The following ANKRD30BL variants were observed in gnomAD, a reference collection of about 807,000 sequenced individuals.
ANKRD30BL encodes the protein ankyrin repeat domain 30B like.
ANKRD30BL carries 20 observed loss-of-function variants against 18.4 expected under a neutral mutation model. The observed-to-expected ratio is 1.09, with a 90% CI of 0.77 to 1.58. The LOEUF is 1.58. ANKRD30BL is among the 40% of genes most tolerant of loss of function. The pLI is 0.00. For synonymous variants in ANKRD30BL, 72 were observed against 100.9 expected, an observed-to-expected ratio of 0.71 and a Z score of 1.72; for missense variants, 224 against 268.6, an observed-to-expected ratio of 0.83 and a Z score of 1.16.
At chr2:132,206,524 A>G (rs1456083656) in intron 1 of ANKRD30BL, among the ~76,000 whole-genome samples, 1 of 152,152 alleles carries the variant, frequency 6.6e-6, no homozygotes, top group Non-Finnish European at 1.5e-5. Flanking sequence ...CATATGTAAA[A>G]TGAGAATTAT....
chr2:132,192,760 C>T (rs1407471576), intron 1 of ANKRD30BL, among the ~76,000 whole-genome samples: 1 of 152,204 alleles, frequency 6.6e-6, no homozygotes, highest in Non-Finnish European at 1.5e-5. Flanking sequence ...AAGGGGCAAT[C>T]TCTGTTTAAA....
intron 1 of ANKRD30BL, among the ~76,000 whole-genome samples, chr2:132,254,314 TGGC>T (rs1334543807): frequency 1.3e-5 from 2 of 152,174 alleles, no homozygotes; most frequent in South Asian, 2.1e-4. Flanking sequence ...AGGAAGGACA[TGGC>T]GGCGTCTCCG....
At chr2:132,216,237 A>C (rs182407487) in intron 1 of ANKRD30BL, among the ~76,000 whole-genome samples, 1 of 152,008 alleles carries the variant, frequency 6.6e-6, no homozygotes, top group African/African-American at 2.4e-5. Flanking sequence ...TGATGTGTGC[A>C]TTCATCTCAG....
intron 1 of ANKRD30BL, among the ~76,000 whole-genome samples, chr2:132,232,329 G>A (rs1313377951): frequency 1.3e-5 from 2 of 152,176 alleles, no homozygotes; most frequent in Non-Finnish European, 2.9e-5. Context: ...AACAAAGCTG[G>A]ATGGAGAATG....
At position 132,211,709 on chromosome 2, in the gene ANKRD30BL, T is replaced by A. The variant is rs556881954; in HGVS notation, n.441+45820A>T. 2.0e-5 allele frequency among the ~76,000 whole-genome samples: 3 copies of A among 152,028 alleles called. No homozygotes were observed. In the South Asian group the frequency reaches 6.2e-4, roughly 32 times the overall value. ...CTGCAAGTGGACATTTGGAGCTCTT[T>A]GGGGCCTATGGTGGAAAAGGAAATA... On this transcript the variant is annotated intron_variant and non_coding_transcript_variant, in intron 1 of 4. Coordinates refer to the ANKRD30BL transcript ENST00000470729.
chr2:132,245,605 G>C (rs1680476446), intron 1 of ANKRD30BL, among the ~76,000 whole-genome samples: 1 of 152,296 alleles, frequency 6.6e-6, no homozygotes, highest in Non-Finnish European at 1.5e-5. Context: ...TGGTGAAAAA[G>C]GAGGTATCTT....
intron 1 of ANKRD30BL, among the ~76,000 whole-genome samples, chr2:132,198,805 A>G (rs1257510087): frequency 1.3e-5 from 2 of 151,640 alleles, no homozygotes; most frequent in African/African-American, 4.8e-5. Flanking sequence ...TTTAGTAGAG[A>G]CGACGTTTCG....
intron 1 of ANKRD30BL, among the ~76,000 whole-genome samples, chr2:132,194,798 A>T (rs1444132834): frequency 8.5e-5 from 13 of 152,212 alleles, no homozygotes; most frequent in Non-Finnish European, 1.9e-4. Context: ...AATGTCATTC[A>T]TGACATGTGA....
chr2:132,231,769 C>A (rs1046117572), intron 1 of ANKRD30BL, among the ~76,000 whole-genome samples: 5 of 152,206 alleles, frequency 3.3e-5, no homozygotes, highest in Non-Finnish European at 7.3e-5. Flanking sequence ...GGGAGGGGCA[C>A]CCGCCATTAC....
intron 1 of ANKRD30BL, among the ~76,000 whole-genome samples, chr2:132,198,297 TTTCTTTCTTTCTTTCTTTCTTTCTTTC>T (rs1443091377): frequency 7.1e-3 from 79 of 11,066 alleles, no homozygotes; most frequent in Non-Finnish European, 0.014. Context: ...TCTTTCTTTC[TTTCTTTCTTTCTTTCTTTCTTTCTTTC>T]TTTTTTTTTT....
chr2:132,250,548 G>A (rs964046161), intron 1 of ANKRD30BL, among the ~76,000 whole-genome samples: 3 of 152,164 alleles, frequency 2.0e-5, no homozygotes, highest in Non-Finnish European at 2.9e-5. Flanking sequence ...GGGGACCTCG[G>A]AGATGATCTA....
chr2:132,155,696 G>T (rs992158999), intron 3 of ANKRD30BL: 10 of 152,096 alleles, frequency 6.6e-5, no homozygotes, highest in African/African-American at 2.2e-4. Flanking sequence ...TCAGGAGATC[G>T]AGACCATCGT....
At chr2:132,191,067 T>C (rs993921993) in intron 1 of ANKRD30BL, among the ~76,000 whole-genome samples, 1 of 151,990 alleles carries the variant, frequency 6.6e-6, no homozygotes, top group Non-Finnish European at 1.5e-5. Context: ...ATTGAAGCTG[T>C]CTATCACCTC....
intron 1 of ANKRD30BL, among the ~76,000 whole-genome samples, chr2:132,242,850 G>C (rs568962679): frequency 6.6e-6 from 1 of 151,468 alleles, no homozygotes; most frequent in Admixed American, 6.6e-5. Context: ...CATTTTGTGC[G>C]ATTTGAGACC....
chr2:132,229,250 C>T (rs543884980), intron 1 of ANKRD30BL, among the ~76,000 whole-genome samples: 158 of 152,084 alleles, frequency 1.0e-3, no homozygotes, highest in African/African-American at 3.6e-3. Context: ...CTTTCGAGTG[C>T]CTTCGGGTCT....
At chr2:132,211,412 C>T (rs1309657613) in intron 1 of ANKRD30BL, among the ~76,000 whole-genome samples, 2 of 152,002 alleles carry the variant, frequency 1.3e-5, no homozygotes, top group Admixed American at 1.3e-4. Context: ...AAAAAGTAGA[C>T]AGAAGCATTC....
At chr2:132,183,139 T>C (rs2104949206) in intron 1 of ANKRD30BL, among the ~76,000 whole-genome samples, 1 of 69,954 alleles carries the variant, frequency 1.4e-5, no homozygotes, top group South Asian at 5.4e-4. Context: ...CAAAGTAGCT[T>C]TTTTTTTTTT....
At chr2:132,230,164 G>A (rs1308328411) in intron 1 of ANKRD30BL, among the ~76,000 whole-genome samples, 1 of 151,258 alleles carries the variant, frequency 6.6e-6, no homozygotes, top group Non-Finnish European at 1.5e-5. Context: ...AGCATTCTCA[G>A]AAACTTCTTT....
chr2:132,227,778 C>T (rs202020606), intron 1 of ANKRD30BL, among the ~76,000 whole-genome samples: 1 of 152,088 alleles, frequency 6.6e-6, no homozygotes, highest in Admixed American at 6.6e-5. Context: ...GTGCCTTCAA[C>T]TCAAATAGCT....
Sources: allele counts gnomAD v4.1 joint callset (sites outside exome capture counted in the v4.1 genomes callset), GRCh38; gene constraint gnomAD v4.1.1; transcripts MANE v1.5; gene names NCBI Gene and HGNC (gene_info 2026-07-23, HGNC 2026-07-21).